Variants in ERICH6B observed in about 807,000 individuals in gnomAD.
The protein encoded by ERICH6B is glutamate-rich protein 6B.
ERICH6B carries 69 observed loss-of-function variants against 80.0 expected under a neutral mutation model. The observed-to-expected ratio is 0.86, with a 90% CI of 0.71 to 1.05. ERICH6B has a LOEUF of 1.05. Among genes scored for constraint, ERICH6B ranks in the 50% least tolerant of loss-of-function variants. The pLI, the probability that ERICH6B is intolerant of heterozygous loss-of-function variation, is 0.00. For synonymous variants in ERICH6B, 283 were observed against 291.9 expected, an observed-to-expected ratio of 0.97 and a Z score of 0.31; for missense variants, 754 against 796.1, an observed-to-expected ratio of 0.95 and a Z score of 0.64.
chr13:45,583,539 C>T (rs1875761378), intron 5 of ERICH6B, among the ~76,000 whole-genome samples: 1 of 152,212 alleles, frequency 6.6e-6, no homozygotes, highest in Non-Finnish European at 1.5e-5. Context: ...TTTCAATCCT[C>T]TTCCCCATCT....
chr13:45,587,345 T>C (rs980945586), intron 4 of ERICH6B, 113 bp from the exon 5 acceptor site: 9 of 861,678 alleles, frequency 1.0e-5, no homozygotes, highest in Non-Finnish European at 1.6e-5. Flanking sequence ...ACCCAGATGA[T>C]GGACATCTCA....
intron 14 of ERICH6B, among the ~76,000 whole-genome samples, chr13:45,542,526 C>G (rs535220514): frequency 2.0e-5 from 3 of 152,186 alleles, no homozygotes; most frequent in Admixed American, 2.0e-4. Flanking sequence ...TGCCCCTCCC[C>G]GGGACTCTAG....
At chr13:45,587,031 G>C in intron 5 of ERICH6B, 32 bp downstream of exon 5, 5 of 1,542,650 alleles carry the variant, frequency 3.2e-6, no homozygotes, top group Non-Finnish European at 3.5e-6. Flanking sequence ...GAGCCCGGCT[G>C]CGCCTCACCG....
At chr13:45,563,672 T>C (rs79845240) in intron 10 of ERICH6B, 55 bp downstream of exon 10, 104,051 of 1,442,952 alleles carry the variant, frequency 0.072, 4,216 homozygotes, top group African/African-American at 0.14. Context: ...GGAGAGGCGG[T>C]GGGATGCAGA....
chr13:45,579,376 G>A (rs147899045), intron 7 of ERICH6B, among the ~76,000 whole-genome samples: 1 of 152,182 alleles, frequency 6.6e-6, no homozygotes, highest in Non-Finnish European at 1.5e-5. Flanking sequence ...TCCCTAAATT[G>A]TGTTCTAATG....
At chr13:45,578,887 T>C (rs1875534587) in intron 7 of ERICH6B, among the ~76,000 whole-genome samples, 1 of 152,142 alleles carries the variant, frequency 6.6e-6, no homozygotes, top group South Asian at 2.1e-4. Context: ...CCTGATCTCT[T>C]TAATAATCAT....
intron 13 of ERICH6B, among the ~76,000 whole-genome samples, chr13:45,546,366 C>T (rs1049472255): frequency 1.3e-5 from 2 of 152,162 alleles, no homozygotes; most frequent in South Asian, 2.1e-4. Flanking sequence ...GGCCTGGGTT[C>T]GTCTGGAGAA....
chr13:45,583,747 TTC>T (rs1875772434), intron 5 of ERICH6B, among the ~76,000 whole-genome samples: 1 of 152,228 alleles, frequency 6.6e-6, no homozygotes, highest in South Asian at 2.1e-4. Context: ...TGGTTCTCAG[TTC>T]TCTCTCTTGC....
chr13:45,593,214 G>A (rs964089245), intron 3 of ERICH6B, among the ~76,000 whole-genome samples: 6 of 152,196 alleles, frequency 3.9e-5, no homozygotes, highest in Non-Finnish European at 8.8e-5. Flanking sequence ...TTAGTCTGAT[G>A]TAACCTGATT....
At chr13:45,561,087 G>A (rs1212349753) in intron 11 of ERICH6B, among the ~76,000 whole-genome samples, 1 of 152,106 alleles carries the variant, frequency 6.6e-6, no homozygotes, top group African/African-American at 2.4e-5. Flanking sequence ...CGCAGTGTCT[G>A]GCTGGGGCCT....
chr13:45,580,883 T>C (rs149206878), intron 5 of ERICH6B, among the ~76,000 whole-genome samples: 75 of 152,246 alleles, frequency 4.9e-4, no homozygotes, highest in African/African-American at 1.8e-3. Context: ...TTGCAATAAA[T>C]TAGTCGTCAG....
rs1340880228 is a variant in ERICH6B, at chr13:45,596,497, A to T, written c.509T>A (p.Leu170Gln). The T allele has an allele frequency of 6.4e-7, 1 of 1,550,944 alleles. No homozygotes were observed. The highest frequency in any genetic ancestry group is 8.7e-7 in the Non-Finnish European group (1 of 1,146,294). ...KKAYLEEEEY[L>Q]GKKSYLEEEK... ...CTCTTCTAGATATGATTTCTTCCCC[A>T]GATACTCCTCCTCCTCCAGATACGC... The change falls in exon 3 of 15, where the codon CTG (leucine) becomes CAG (glutamine). Residue 170 changes from leucine to glutamine, a missense_variant. Leu to Gln is a moderately radical substitution (Grantham distance 113). Transcript: ENST00000298738.
intron 5 of ERICH6B, among the ~76,000 whole-genome samples, chr13:45,584,650 C>T (rs554632913): frequency 2.6e-5 from 4 of 152,300 alleles, no homozygotes; most frequent in East Asian, 1.9e-4. Context: ...TACATTTTCA[C>T]GACTGCTTGG....
intron 2 of ERICH6B, among the ~76,000 whole-genome samples, chr13:45,603,149 G>A (rs1173385149): frequency 6.6e-6 from 1 of 152,144 alleles, no homozygotes; most frequent in Non-Finnish European, 1.5e-5. Flanking sequence ...AGACCAAGAA[G>A]AATGAGAAAA....
rs1876247395 is a variant in ERICH6B at position 45,593,711 on chromosome 13, T to A, written c.637+2658A>T. 3.3e-5 allele frequency among the ~76,000 whole-genome samples: 5 copies of A among 152,124 alleles called. No homozygotes were observed. The South Asian group carries it at 1.0e-3, about 32-fold the overall frequency. Reference sequence around the variant, plus strand: ...TGACAGACTCCTACCTGCTATTAAGTAGATAAATAAATGACACTCAGGCAC... The same window carrying A: ...TGACAGACTCCTACCTGCTATTAAGAAGATAAATAAATGACACTCAGGCAC... On this transcript the variant is annotated intron_variant, in intron 3 of 14. Coordinates refer to ENST00000298738, the MANE Select transcript of ERICH6B (RefSeq NM_182542.3).
At chr13:45,567,593 C>T (rs902449209) in intron 9 of ERICH6B, among the ~76,000 whole-genome samples, 3 of 152,226 alleles carry the variant, frequency 2.0e-5, no homozygotes, top group Non-Finnish European at 4.4e-5. Context: ...TGCCTTTCAC[C>T]TTCTGCCATG....
Position 45,596,482 on chromosome 13 carries a change from T to C in ERICH6B, c.524A>G (p.Tyr175Cys), listed in dbSNP as rs1876376109. 1.3e-6 allele frequency: 2 copies of C among 1,551,626 alleles called. No homozygotes were observed. The highest frequency in any genetic ancestry group is 2.0e-5 in the Admixed American group (1 of 50,976). Residue 175 changes from tyrosine (Y) to cysteine (C), a missense_variant, in exon 3 of 15, where the codon TAT becomes TGT. Tyr to Cys is a radical substitution (Grantham distance 194). Coordinates refer to ENST00000298738, the MANE Select transcript of ERICH6B (RefSeq NM_182542.3). ...EEEEYLGKKS[Y>C]LEEEKALEKE... ...CTCCAGAGCCTTTTCCTCTTCTAGA[T>C]ATGATTTCTTCCCCAGATACTCCTC...
At chr13:45,585,315 C>T (rs575972005) in intron 5 of ERICH6B, among the ~76,000 whole-genome samples, 235 of 152,198 alleles carry the variant, frequency 1.5e-3, no homozygotes, top group African/African-American at 5.5e-3. Flanking sequence ...GCTGTCTAGC[C>T]CATAAACATA....
chr13:45,586,910 C>A (rs1280170530), intron 5 of ERICH6B, among the ~76,000 whole-genome samples, 153 bp downstream of exon 5: 2 of 152,066 alleles, frequency 1.3e-5, no homozygotes, highest in South Asian at 2.1e-4. Flanking sequence ...ACATCTTACC[C>A]AAAATGAGAC....
Sources: allele counts gnomAD v4.1 joint callset (sites outside exome capture counted in the v4.1 genomes callset), GRCh38; gene constraint gnomAD v4.1.1; transcripts MANE v1.5; gene names NCBI Gene and HGNC (gene_info 2026-07-23, HGNC 2026-07-21).